The following PPM1H variants were observed in gnomAD, a reference collection of about 807,000 sequenced individuals.
The protein encoded by PPM1H is protein phosphatase, Mg2+/Mn2+ dependent 1H.
PPM1H carries 27 observed loss-of-function variants against 54.9 expected under a neutral mutation model. The observed-to-expected ratio is 0.49, with a 90% CI of 0.36 to 0.68. The LOEUF is 0.68. PPM1H is among the 30% of genes least tolerant of loss of function. The pLI is 0.00. For synonymous variants in PPM1H, 305 were observed against 270.8 expected, an observed-to-expected ratio of 1.13 and a Z score of -1.24; for missense variants, 596 against 667.8, an observed-to-expected ratio of 0.89 and a Z score of 1.19.
rs371630268 is a variant in PPM1H, at chr12:62,832,198, G to C, written c.327C>G (p.Ala109=). The C allele has an allele frequency of 6.2e-7, 1 of 1,613,690 alleles. No homozygotes were observed. The highest frequency in any genetic ancestry group is 1.1e-5 in the South Asian group (1 of 91,022). The change falls in exon 2 of 10, where the codon GCC becomes GCG. Residue 109 remains alanine (A), a synonymous_variant. Coordinates refer to ENST00000228705, the MANE Select transcript of PPM1H (RefSeq NM_020700.2). ...AGTTCCTGTTTGGGGTTGAGGTCAC[G>C]GCCCCTGCCTTCTTCTTCACAGTGA... ...EVLTVKKKAG[A]VTSTPNRNSS... is the part of the protein sequence containing the mutation.
intron 1 of PPM1H, among the ~76,000 whole-genome samples, chr12:62,908,028 C>T (rs699584): frequency 0.33 from 49,916 of 152,072 alleles, 9,855 homozygotes; most frequent in Non-Finnish European, 0.45. Context: ...ATGTAGTACA[C>T]AAGATTAAAA....
At chr12:62,710,028 C>A (rs377519546) in intron 6 of PPM1H, among the ~76,000 whole-genome samples, 2 of 152,056 alleles carry the variant, frequency 1.3e-5, no homozygotes, top group East Asian at 1.9e-4. Context: ...CGAGATCACG[C>A]CATTCATTGC....
intron 1 of PPM1H, among the ~76,000 whole-genome samples, chr12:62,863,792 C>T (rs1049015190): frequency 1.5e-4 from 23 of 152,150 alleles, no homozygotes; most frequent in Admixed American, 2.0e-4. Context: ...ATTTGACAGA[C>T]ACAGGAAACA....
chr12:62,893,978 A>G (rs1021594530), intron 1 of PPM1H, among the ~76,000 whole-genome samples: 1 of 152,088 alleles, frequency 6.6e-6, no homozygotes, highest in Non-Finnish European at 1.5e-5. Flanking sequence ...GTGGAGAGAG[A>G]GGCTCAGCCA....
At chr12:62,931,608 T>G (rs1398328040) in intron 1 of PPM1H, among the ~76,000 whole-genome samples, 2 of 152,176 alleles carry the variant, frequency 1.3e-5, no homozygotes, top group Non-Finnish European at 2.9e-5. Context: ...TACATCATAA[T>G]TTAATCTACT....
chr12:62,906,202 T>C (rs1871297490), intron 1 of PPM1H, among the ~76,000 whole-genome samples: 1 of 152,196 alleles, frequency 6.6e-6, no homozygotes, highest in South Asian at 2.1e-4. Context: ...TATATTACTG[T>C]AGAAAAGTCT....
intron 1 of PPM1H, among the ~76,000 whole-genome samples, chr12:62,887,341 T>C (rs894000625): frequency 6.6e-6 from 1 of 152,196 alleles, no homozygotes; most frequent in Admixed American, 6.5e-5. Flanking sequence ...GTACTAGACT[T>C]TGGAATACAA....
intron 9 of PPM1H, chr12:62,659,119 A>G: frequency 1.4e-6 from 1 of 735,104 alleles, no homozygotes; most frequent in Non-Finnish European, 2.5e-6. Flanking sequence ...GAGATCATTC[A>G]CAATGTTTCC....
At chr12:62,686,082 C>A (rs1258499851) in intron 8 of PPM1H, among the ~76,000 whole-genome samples, 1 of 152,118 alleles carries the variant, frequency 6.6e-6, no homozygotes, top group Admixed American at 6.5e-5. Flanking sequence ...CTGAAGTGAC[C>A]AACTCAGTGT....
chr12:62,874,811 C>T (rs187664307), intron 1 of PPM1H, among the ~76,000 whole-genome samples: 17 of 152,310 alleles, frequency 1.1e-4, no homozygotes, highest in Admixed American at 7.8e-4. Flanking sequence ...ATATAGCTTC[C>T]GTGCTTTATG....
chr12:62,655,770 C>T (rs1189278274), intron 9 of PPM1H, among the ~76,000 whole-genome samples: 1 of 152,108 alleles, frequency 6.6e-6, no homozygotes, highest in Non-Finnish European at 1.5e-5. Context: ...TCACTGAATG[C>T]TGGGCCAGGC....
intron 4 of PPM1H, among the ~76,000 whole-genome samples, chr12:62,776,147 C>T (rs566978489): frequency 5.3e-5 from 8 of 152,082 alleles, no homozygotes; most frequent in African/African-American, 1.7e-4. Flanking sequence ...TCCCATGATA[C>T]GTGGGAGTAT....
At chr12:62,873,138 G>T (rs943146083) in intron 1 of PPM1H, among the ~76,000 whole-genome samples, 2 of 152,176 alleles carry the variant, frequency 1.3e-5, no homozygotes, top group Non-Finnish European at 2.9e-5. Context: ...TCTGAGTTGG[G>T]TGTCTTCCTA....
chr12:62,895,126 C>A (rs144456139), intron 1 of PPM1H, among the ~76,000 whole-genome samples: 180 of 152,282 alleles, frequency 1.2e-3, no homozygotes, highest in Non-Finnish European at 2.0e-3. Flanking sequence ...TTCAGCAACA[C>A]CCCCGTCTAT....
intron 1 of PPM1H, among the ~76,000 whole-genome samples, chr12:62,882,049 T>C (rs939032094): frequency 6.6e-6 from 1 of 152,140 alleles, no homozygotes; most frequent in Non-Finnish European, 1.5e-5. Context: ...CAGACATTTC[T>C]CAAAAACAAA....
intron 1 of PPM1H, among the ~76,000 whole-genome samples, chr12:62,840,813 CT>C (rs1048173037): frequency 6.6e-6 from 1 of 152,156 alleles, no homozygotes; most frequent in Non-Finnish European, 1.5e-5. Context: ...ACTGTTTAAA[CT>C]AGGGACTGAT....
In PPM1H at chr12:62,801,816, C is replaced by A; in HGVS notation, c.756G>T (p.Met252Ile). 6.2e-7 allele frequency: 1 copy of A among 1,613,724 alleles called. No homozygotes were observed. Among genetic ancestry groups the A allele is most frequent in the South Asian group, 1.1e-5 (1 of 91,078 alleles). ...IGALESAFKEMDLQIERERSS... is the reference protein window; with the variant it reads ...IGALESAFKEIDLQIERERSS... Reference sequence around the variant, plus strand: ...GCCCCAGACTCCCAGGAATACCTACCATTTCCTTGAATGCACTTTCAAGCG... The same window carrying A: ...GCCCCAGACTCCCAGGAATACCTACAATTTCCTTGAATGCACTTTCAAGCG... Residue 252 changes from methionine to isoleucine, a missense_variant and splice_region_variant, in exon 3 of 10, where the codon ATG becomes ATT. Transcript: ENST00000228705.
At chr12:62,798,678 G>A (rs1472517846) in intron 3 of PPM1H, among the ~76,000 whole-genome samples, 1 of 152,102 alleles carries the variant, frequency 6.6e-6, no homozygotes, top group East Asian at 1.9e-4. Context: ...GTCTCCACAG[G>A]GGCACTCCAG....
At chr12:62,832,715 C>A (rs1246102301) in intron 1 of PPM1H, among the ~76,000 whole-genome samples, 2 of 152,156 alleles carry the variant, frequency 1.3e-5, no homozygotes, top group Non-Finnish European at 2.9e-5. Context: ...AGGTACATGG[C>A]AGTAACTTAC....
Sources: gnomAD v4.1 joint callset for allele counts (sites outside exome capture counted in the v4.1 genomes callset) on GRCh38, gnomAD v4.1.1 for gene constraint, MANE v1.5 for transcripts, NCBI Gene and HGNC (gene_info 2026-07-23, HGNC 2026-07-21) for gene names.